The following FLNC variants were observed in gnomAD, a reference collection of about 807,000 sequenced individuals.
FLNC encodes the protein filamin-C.
A neutral mutation model predicts 254.3 loss-of-function variants in FLNC; 91 were observed. That is an observed-to-expected ratio of 0.36 (90% CI 0.30 to 0.43). FLNC has a LOEUF of 0.43. Ranked by LOEUF, FLNC falls within the 20% of genes least tolerant of loss-of-function variation. The pLI is 1.00. For missense variants in FLNC, 2,853 were observed against 3,802.6 expected, an observed-to-expected ratio of 0.75 and a Z score of 6.57; for synonymous variants, 1,430 against 1,577.2, an observed-to-expected ratio of 0.91 and a Z score of 2.21.
At position 128,852,710 on chromosome 7, in the gene FLNC, G is replaced by A. The variant is rs1288953274; in HGVS notation, c.5962G>A (p.Glu1988Lys). 8 of 1,613,118 alleles carry A rather than the reference G, an allele frequency of 5.0e-6. No homozygotes were observed. The highest frequency in any genetic ancestry group is 1.7e-5 in the Admixed American group (1 of 60,008). Reference sequence around the variant, plus strand: ...CAGCATCCGTGCCCCCTCGGGCAACGAGGAGCCCTGCCTGCTGAAGCGCCT... The same window carrying A: ...CAGCATCCGTGCCCCCTCGGGCAACAAGGAGCCCTGCCTGCTGAAGCGCCT... ...TASIRAPSGNEEPCLLKRLPN... is the reference protein window; with the variant it reads ...TASIRAPSGNKEPCLLKRLPN... Residue 1988 changes from glutamate (E) to lysine (K), a missense_variant, in exon 36 of 48, where the codon GAG becomes AAG. By Grantham distance (56) the Glu-to-Lys change is moderately conservative. Around this residue, in one of 10 missense-constraint regions of FLNC, gnomAD observed 551 missense variants for 835.0 expected, o/e 0.66. Coordinates refer to ENST00000325888, the MANE Select transcript of FLNC (RefSeq NM_001458.5).
chr7:128,844,332 G>A (rs1163905182), intron 20 of FLNC, 66 bp downstream of exon 20: 3 of 1,521,196 alleles, frequency 2.0e-6, no homozygotes, highest in Non-Finnish European at 1.8e-6. Flanking sequence ...ATGAGTCATA[G>A]GGGGCAGAGG....
In FLNC at chr7:128,830,662, G is replaced by C. The variant is rs2128932085; in HGVS notation, c.25G>C (p.Asp9His). MMNNSGYS[D>H]AGLGLGDETD... ...CATGATGAACAACAGCGGCTACTCA[G>C]ACGCCGGCCTCGGCCTGGGCGATGA... Residue 9 changes from aspartate to histidine, a missense_variant, in exon 1 of 48, where the codon GAC becomes CAC. This residue lies in a region of FLNC where 37 missense variants were observed against 32.7 expected (regional missense o/e 1.13). Coordinates refer to ENST00000325888, the MANE Select transcript of FLNC (RefSeq NM_001458.5). The C allele has an allele frequency of 6.2e-7, 1 of 1,612,448 alleles. No individual in the cohort carries two copies. Among genetic ancestry groups the C allele is most frequent in the Non-Finnish European group, 8.5e-7 (1 of 1,179,900 alleles).
At chr7:128,834,215 C>T (rs1562990494) in intron 1 of FLNC, among the ~76,000 whole-genome samples, 3 of 152,096 alleles carry the variant, frequency 2.0e-5, no homozygotes, top group South Asian at 2.1e-4. Context: ...ACTTCATTGC[C>T]CTTTACAAGT....
At chr7:128,833,744 G>T (rs1331563646) in intron 1 of FLNC, among the ~76,000 whole-genome samples, 1 of 152,258 alleles carries the variant, frequency 6.6e-6, no homozygotes, top group Non-Finnish European at 1.5e-5. Flanking sequence ...GGGCACTGGG[G>T]CATCCAGACT....
intron 24 of FLNC, 55 bp from the exon 25 acceptor site, chr7:128,847,642 A>G: frequency 1.2e-6 from 2 of 1,609,286 alleles, no homozygotes; most frequent in Middle Eastern, 1.8e-4. Flanking sequence ...GCTCCTCAGC[A>G]TCAGGGGGAC....
At chr7:128,855,025 C>T in intron 42 of FLNC, 113 bp downstream of exon 42, 1 of 1,238,996 alleles carries the variant, frequency 8.1e-7, no homozygotes, top group South Asian at 1.2e-5. Context: ...TCCCCGGAGC[C>T]CCCTGCTCTT....
chr7:128,844,933 C>T lies in FLNC; in HGVS notation c.3468C>T (p.Ser1156=), dbSNP rs1162235578. The T allele has an allele frequency of 5.0e-6, 8 of 1,613,778 alleles. No homozygotes were observed. In the African/African-American group the frequency reaches 1.1e-4, roughly 22 times the overall value. The change falls in exon 21 of 48, where the codon AGC becomes AGT. Residue 1156 remains serine (S), a synonymous_variant. Transcript: ENST00000325888. ...CCATTCGGCCTGTGTTTGACCCGAG[C>T]AAGGTGCGGGCCAGTGGACCGGGCC... ...KATIRPVFDP[S]KVRASGPGLE... is the part of the protein sequence containing the mutation.
chr7:128,856,958 G>A lies in FLNC; in HGVS notation c.7561+37G>A. The stretch of plus-strand genomic sequence containing the variant: ...GAGCTGGGGAACAGGGTGACTTCTG[G>A]GGGTGCTTGGCCACTAGTCTGGTGC... On this transcript the variant is annotated intron_variant, in intron 45 of 47. Transcript: ENST00000325888. The surrounding 1 kb of genome is among the most constrained non-coding windows in gnomAD (Gnocchi z 5.9). 2 of 1,609,118 alleles carry A rather than the reference G, an allele frequency of 1.2e-6. No individual in the cohort carries two copies. Among genetic ancestry groups the A allele is most frequent in the Non-Finnish European group, 1.7e-6 (2 of 1,176,534 alleles).
Position 128,844,186 on chromosome 7 carries a change from G to A in FLNC, c.3112G>A (p.Val1038Met), listed in dbSNP as rs763859942. 1.2e-6 allele frequency: 2 copies of A among 1,613,822 alleles called. No homozygotes were observed. Among genetic ancestry groups the A allele is most frequent in the South Asian group, 1.1e-5 (1 of 91,052 alleles). ...GCCCCCGGAGGAGGGGCCCTACAAG[G>A]TGGATATCACCTACGATGGTCACCC... ...YMPPEEGPYK[V>M]DITYDGHPVP... is the part of the protein sequence containing the mutation. Residue 1038 changes from valine to methionine, a missense_variant, in exon 20 of 48, where the codon GTG (valine) becomes ATG (methionine). By Grantham distance (21) the Val-to-Met change is conservative (BLOSUM62 1). Coordinates refer to ENST00000325888, the MANE Select transcript of FLNC (RefSeq NM_001458.5).
chr7:128,848,088 T>C lies in FLNC; in HGVS notation c.4580+20T>C, dbSNP rs1423422061. ...ACGCAGGTGAGGACCAGCCCTGGGC[T>C]CCTGTGCTGCGGCTGAGCTCTGGGG... On this transcript the variant is annotated intron_variant, in intron 26 of 47. Transcript: ENST00000325888. The C allele has an allele frequency of 1.9e-6, 3 of 1,593,906 alleles. No homozygotes were observed. In the African/African-American group the frequency reaches 4.0e-5, roughly 21 times the overall value.
chr7:128,852,670 G>T lies in FLNC; in HGVS notation c.5922G>T (p.Leu1974=), dbSNP rs370900824. 1 of 1,613,174 alleles carries T rather than the reference G, an allele frequency of 6.2e-7. No homozygotes were observed. Among genetic ancestry groups the T allele is most frequent in the African/African-American group, 1.3e-5 (1 of 74,934 alleles). Residue 1974 remains leucine, a synonymous_variant, in exon 36 of 48, where the codon CTG becomes CTT. Transcript: ENST00000325888. ...DVSLKITESD[L]SQLTASIRAP... ...CACTGAAGATCACCGAGAGTGATCT[G>T]AGCCAGCTGACCGCCAGCATCCGTG...
rs556203733 is a variant in FLNC, at chr7:128,851,212, C to T, written c.5540-20C>T. ...TAATCCCTGATGCTGACCCAGCCCC[C>T]TTTTTCTCTGTATCCCCAGGGAGCC... On this transcript the variant is annotated intron_variant, in intron 33 of 47. Transcript: ENST00000325888. 2.1e-4 allele frequency: 344 copies of T among 1,613,904 alleles called. 6 individuals carry two copies. The South Asian group carries it at 3.6e-3, about 17-fold the overall frequency.
intron 1 of FLNC, among the ~76,000 whole-genome samples, chr7:128,831,818 G>T (rs531199843): frequency 2.6e-5 from 4 of 151,842 alleles, no homozygotes; most frequent in Non-Finnish European, 5.9e-5. Context: ...GTGGGGGCGG[G>T]GAGGCACTCT....
rs1808079901 is a variant in FLNC at position 128,835,932 on chromosome 7, G to C, written c.601+358G>C. Among the ~76,000 whole-genome samples, 2 of 152,176 alleles carry C rather than the reference G, an allele frequency of 1.3e-5. No homozygotes were observed. On this transcript the variant is annotated intron_variant, in intron 2 of 47. Coordinates refer to ENST00000325888, the MANE Select transcript of FLNC (RefSeq NM_001458.5). This position sits in a 1 kb window ranked among gnomAD's most constrained non-coding sequence, Gnocchi z 5.3. ...CCCTGCCCCATGAATTTTTTACTGT[G>C]CCACGAGGCACTATTCCTGCCGAGC...
intron 35 of FLNC, 70 bp from the exon 36 acceptor site, chr7:128,852,521 G>A: frequency 6.4e-7 from 1 of 1,564,978 alleles, no homozygotes; most frequent in Non-Finnish European, 8.8e-7. Flanking sequence ...GCTCAGGAGG[G>A]TTCCTGAGCC....
Position 128,856,691 on chromosome 7 carries a change from G to A in FLNC, c.7384+41G>A. On this transcript the variant is annotated intron_variant, in intron 44 of 47. Transcript: ENST00000325888. The surrounding 1 kb of genome is among the most constrained non-coding windows in gnomAD (Gnocchi z 5.9). Reference sequence around the variant, plus strand: ...CCCTGCCAACTCCCTTCCGGGCTGGGGCCTTCTGGGGAGGGGAAGGATGGA... The same window carrying A: ...CCCTGCCAACTCCCTTCCGGGCTGGAGCCTTCTGGGGAGGGGAAGGATGGA... 2.5e-6 allele frequency: 4 copies of A among 1,613,872 alleles called. No homozygotes were observed. The highest frequency in any genetic ancestry group is 3.4e-6 in the Non-Finnish European group (4 of 1,180,012).
Position 128,842,488 on chromosome 7 carries a change from G to A in FLNC, c.2266-87G>A. On this transcript the variant is annotated intron_variant, in intron 14 of 47. Transcript: ENST00000325888. This position sits in a 1 kb window ranked among gnomAD's most constrained non-coding sequence, Gnocchi z 5.4. The stretch of plus-strand genomic sequence containing the variant: ...TCAGGCTGGGACTGAGGCTTGGGCT[G>A]GTGCCACTGAGGCTGGGCCGGGTGC... The A allele has an allele frequency of 1.3e-6, 2 of 1,574,452 alleles. No individual in the cohort carries two copies. The highest frequency in any genetic ancestry group is 1.7e-6 in the Non-Finnish European group (2 of 1,159,872).
rs762748670 is a variant in FLNC, at chr7:128,852,956, C to T, written c.6133C>T (p.Arg2045Trp). ...TGAGATCGGGGACGCCAGCAAGGTG[C>T]GGGTCTGGGGCAAGGGGCTTTCCGA... ...PSEIGDASKV[R>W]VWGKGLSEGH... The change falls in exon 37 of 48, where the codon CGG (arginine) becomes TGG (tryptophan). Residue 2045 changes from arginine to tryptophan, a missense_variant. By Grantham distance (101) the Arg-to-Trp change is moderately radical (BLOSUM62 -3). This residue lies in a region of FLNC where 551 missense variants were observed against 835.0 expected (regional missense o/e 0.66). Coordinates refer to ENST00000325888, the MANE Select transcript of FLNC (RefSeq NM_001458.5). 7 of 1,613,448 alleles carry T rather than the reference C, an allele frequency of 4.3e-6. No individual in the cohort carries two copies. Among genetic ancestry groups the T allele is most frequent in the South Asian group, 2.2e-5 (2 of 91,078 alleles).
Position 128,845,176 on chromosome 7 carries a change from A to T in FLNC, c.3711A>T (p.Lys1237Asn). ...TIKYGGHPVP[K>N]FPTRVHVQPA... is the part of the protein sequence containing the mutation. ...AGTATGGCGGGCATCCCGTGCCCAA[A>T]TTCCCCACCCGTGTCCATGTGCAGC... is the stretch of plus-strand genomic sequence containing the variant. The change falls in exon 21 of 48, where the codon AAA becomes AAT. Residue 1237 changes from lysine to asparagine, a missense_variant. Physicochemically the swap from Lys to Asn is moderately conservative, Grantham distance 94. Coordinates refer to ENST00000325888, the MANE Select transcript of FLNC (RefSeq NM_001458.5). The T allele has an allele frequency of 6.2e-7, 1 of 1,613,902 alleles. No homozygotes were observed. The highest frequency in any genetic ancestry group is 8.5e-7 in the Non-Finnish European group (1 of 1,180,038).
Sources: gnomAD v4.1 joint callset for allele counts (sites outside exome capture counted in the v4.1 genomes callset) on GRCh38, gnomAD v4.1.1 for gene constraint, gnomAD v4.1.1 regional missense constraint, Gnocchi (gnomAD v3.1) non-coding constraint, MANE v1.5 for transcripts, NCBI Gene and HGNC (gene_info 2026-07-23, HGNC 2026-07-21) for gene names.